NUMB: variants seen among roughly 807,000 people sequenced by gnomAD.
NUMB encodes the protein protein numb homolog.
A neutral mutation model predicts 59.7 loss-of-function variants in NUMB; 29 were observed. The ratio of observed to expected loss-of-function variants is 0.49; its 90% CI spans 0.36 to 0.66. The LOEUF (loss-of-function observed/expected upper bound fraction) is 0.66, where lower values mean the gene tolerates loss of function less well. Ranked by LOEUF, NUMB falls within the 30% of genes least tolerant of loss-of-function variation. The pLI, the probability that NUMB is intolerant of heterozygous loss-of-function variation, is 0.00. For missense variants in NUMB, 723 were observed against 822.0 expected, an observed-to-expected ratio of 0.88 and a Z score of 1.47; for synonymous variants, 288 against 288.2, an observed-to-expected ratio of 1.00 and a Z score of 0.01.
At chr14:73,350,364 G>A (rs1771384565) in intron 4 of NUMB, among the ~76,000 whole-genome samples, 1 of 151,344 alleles carries the variant, frequency 6.6e-6, no homozygotes, top group African/African-American at 2.4e-5. Context: ...TTAGAGATGG[G>A]GTTTCACCAT....
intron 2 of NUMB, among the ~76,000 whole-genome samples, chr14:73,396,408 C>A (rs1475834127): frequency 6.6e-6 from 1 of 151,728 alleles, no homozygotes; most frequent in Admixed American, 6.6e-5. Flanking sequence ...AGTACAGTGG[C>A]ACAATCATAA....
At chr14:73,393,723 G>A (rs888349082) in intron 2 of NUMB, among the ~76,000 whole-genome samples, 9 of 152,150 alleles carry the variant, frequency 5.9e-5, no homozygotes, top group Non-Finnish European at 1.5e-5. Context: ...CAATACTTGT[G>A]AATTCTGGCT....
At chr14:73,281,491 A>T (rs1269767203) in intron 11 of NUMB, 3 of 152,226 alleles carry the variant, frequency 2.0e-5, no homozygotes, top group Admixed American at 2.0e-4. Flanking sequence ...TAGTTCTTCC[A>T]GTAGAAGCAG....
chr14:73,440,400 ACT>A (rs1882967343), intron 1 of NUMB, among the ~76,000 whole-genome samples: 2 of 152,062 alleles, frequency 1.3e-5, no homozygotes, highest in Admixed American at 1.3e-4. Context: ...GTAAGAGCCA[ACT>A]CTATAAAACT....
intron 4 of NUMB, among the ~76,000 whole-genome samples, chr14:73,350,078 TACACACACACACAC>T (rs71112732): frequency 7.3e-6 from 1 of 137,698 alleles, no homozygotes; most frequent in Non-Finnish European, 1.5e-5. Context: ...CATACATACA[TACACACACACACAC>T]ACACACACAC....
chr14:73,400,363 A>G (rs185070619), intron 2 of NUMB, among the ~76,000 whole-genome samples: 224 of 152,350 alleles, frequency 1.5e-3, no homozygotes, highest in Non-Finnish European at 2.6e-3. Context: ...ATGTCATTAC[A>G]TTTGCCAAAA....
chr14:73,322,925 A>G lies in NUMB; in HGVS notation c.201+205T>C. ...AGGCTGGTCTCAAACTCCTGGCCTC[A>G]TGTAATCCTCCTGCCTCAGCCTCCC... On this transcript the variant is annotated intron_variant, in intron 5 of 12. Coordinates refer to ENST00000555238, the MANE Select transcript of NUMB (RefSeq NM_001005743.2). 5.0e-6 allele frequency: 2 copies of G among 402,184 alleles called. 1 individual carries two copies. The highest frequency in any genetic ancestry group is 9.3e-5 in the South Asian group (2 of 21,492). 24.9% of individuals were successfully genotyped at this position (402,184 alleles called of 1,614,324 possible). A position where few individuals can be genotyped will look rare whatever the true frequency, so the allele number is the denominator to read the frequency against.
intron 1 of NUMB, among the ~76,000 whole-genome samples, chr14:73,454,211 AT>A (rs200555991): frequency 6.6e-6 from 1 of 151,752 alleles, no homozygotes; most frequent in Non-Finnish European, 1.5e-5. Context: ...TAAAAGTTGA[AT>A]TTTTTTTTAA....
At chr14:73,322,991 G>A in intron 5 of NUMB, 139 bp downstream of exon 5, 2 of 631,568 alleles carry the variant, frequency 3.2e-6, no homozygotes, top group South Asian at 3.9e-5. Flanking sequence ...GCGCTTGGCT[G>A]AGATGCTCCT....
chr14:73,395,092 T>TGTGTGTGTGTGTGTGTGTGTGTGTGTG (rs1896064910), intron 2 of NUMB, among the ~76,000 whole-genome samples: 1 of 141,660 alleles, frequency 7.1e-6, no homozygotes, highest in African/African-American at 2.8e-5. Context: ...TGTGTGTGTG[T>TGTGTGTGTGTGTGTGTGTGTGTGTGTG]TACATGTGGC....
chr14:73,323,618 A>G (rs1435057497), intron 4 of NUMB, among the ~76,000 whole-genome samples: 1 of 152,248 alleles, frequency 6.6e-6, no homozygotes, highest in Non-Finnish European at 1.5e-5. Context: ...AAGTAATCCT[A>G]AGACAAAGTA....
chr14:73,374,713 C>T (rs1313163333), intron 2 of NUMB, among the ~76,000 whole-genome samples: 1 of 144,302 alleles, frequency 6.9e-6, no homozygotes, highest in Admixed American at 7.2e-5. Flanking sequence ...CTTTAAGTTA[C>T]ATTAACTTTT....
chr14:73,425,749 C>T (rs1897550050), intron 1 of NUMB, among the ~76,000 whole-genome samples: 1 of 151,856 alleles, frequency 6.6e-6, no homozygotes, highest in African/African-American at 2.4e-5. Flanking sequence ...TGTGTATAAT[C>T]TCATTTCATC....
At chr14:73,443,561 C>T (rs1444615118) in intron 1 of NUMB, among the ~76,000 whole-genome samples, 1 of 149,208 alleles carries the variant, frequency 6.7e-6, no homozygotes, top group Non-Finnish European at 1.5e-5. Context: ...TGCCATTGCA[C>T]GCCAGCCTAG....
At chr14:73,348,745 A>G (rs1406004055) in intron 4 of NUMB, among the ~76,000 whole-genome samples, 3 of 152,242 alleles carry the variant, frequency 2.0e-5, no homozygotes, top group Non-Finnish European at 4.4e-5. Flanking sequence ...GCTCTAAAGC[A>G]TATCCCATCT....
At chr14:73,412,631 A>AG (rs1473459601) in intron 1 of NUMB, among the ~76,000 whole-genome samples, 5 of 139,374 alleles carry the variant, frequency 3.6e-5, no homozygotes, top group Admixed American at 2.8e-4. Context: ...CCGTCTCAAA[A>AG]GAAAAAAAAA....
chr14:73,395,037 T>TTG (rs3028731), intron 2 of NUMB, among the ~76,000 whole-genome samples: 9,912 of 119,382 alleles, frequency 0.083, 553 homozygotes, highest in Non-Finnish European at 0.12. Context: ...ATTCGTGTGT[T>TTG]TGTGTGTGTG....
chr14:73,418,227 A>G (rs1259097072), intron 1 of NUMB, among the ~76,000 whole-genome samples: 1 of 152,232 alleles, frequency 6.6e-6, no homozygotes, highest in African/African-American at 2.4e-5. Context: ...TAAGCCAGAC[A>G]CAAAAAATAA....
intron 3 of NUMB, among the ~76,000 whole-genome samples, chr14:73,358,463 A>G (rs772376493): frequency 2.0e-5 from 3 of 152,182 alleles, no homozygotes; most frequent in Non-Finnish European, 4.4e-5. Flanking sequence ...TCTCCAAACA[A>G]AGCATGCCCT....
Sources: gnomAD v4.1 joint callset for allele counts (sites outside exome capture counted in the v4.1 genomes callset) on GRCh38, gnomAD v4.1.1 for gene constraint, MANE v1.5 for transcripts, NCBI Gene and HGNC (gene_info 2026-07-23, HGNC 2026-07-21) for gene names.